POLR2I: variants seen among roughly 807,000 people sequenced by gnomAD.
POLR2I encodes RNA polymerase II subunit I.
POLR2I carries 15 observed loss-of-function variants against 23.0 expected under a neutral mutation model. The observed-to-expected ratio is 0.65, with a 90% CI of 0.44 to 1.00. The LOEUF (loss-of-function observed/expected upper bound fraction) is 1.00, where lower values mean the gene tolerates loss of function less well. POLR2I is among the 50% of genes least tolerant of loss of function. The pLI is 0.00. For missense variants in POLR2I, 120 were observed against 173.7 expected (o/e 0.69, Z 1.74); for synonymous variants, 72 against 65.4 (o/e 1.10, Z -0.49).
rs1973896438 is a variant in POLR2I, at chr19:36,114,122, G to A, written c.263+55C>T. 6 of 1,613,024 alleles carry A rather than the reference G, an allele frequency of 3.7e-6. No individual in the cohort carries two copies. In the Admixed American group the frequency reaches 6.7e-5, roughly 18 times the overall value. ...CTTCACACCCTTCCCTCCTCCCTTC[G>A]CCCAGTGAGGAGACGAGCCTCACTT... On this transcript the variant is annotated intron_variant, in intron 4 of 5. Transcript: ENST00000221859. This position sits in a 1 kb window ranked among gnomAD's most constrained non-coding sequence, Gnocchi z 4.5.
Position 36,114,004 on chromosome 19 carries a change from G to A in POLR2I, c.315+11C>T. 1 of 1,613,158 alleles carries A rather than the reference G, an allele frequency of 6.2e-7. No homozygotes were observed. Among genetic ancestry groups the A allele is most frequent in the Non-Finnish European group, 8.5e-7 (1 of 1,179,526 alleles). ...AGCCCCAGATACTTAGAAAGCCCTC[G>A]CGCCACTTACCTCGGCCCGCGCACT... is the stretch of plus-strand genomic sequence containing the variant. On this transcript the variant is annotated intron_variant, in intron 5 of 5. Coordinates refer to ENST00000221859, the MANE Select transcript of POLR2I (RefSeq NM_006233.5). This position sits in a 1 kb window ranked among gnomAD's most constrained non-coding sequence, Gnocchi z 4.5.
In POLR2I at chr19:36,114,480, G is replaced by A; in HGVS notation, c.115-68C>T. ...TTCCAGACAAGATTGGGAGGAGAGGGCAGGGTGATCCCGGAGGATATGACG... is the reference window on the plus strand; with the variant it reads ...TTCCAGACAAGATTGGGAGGAGAGGACAGGGTGATCCCGGAGGATATGACG... On this transcript the variant is annotated intron_variant, in intron 2 of 5. Coordinates refer to ENST00000221859, the MANE Select transcript of POLR2I (RefSeq NM_006233.5). This position sits in a 1 kb window ranked among gnomAD's most constrained non-coding sequence, Gnocchi z 4.5. 1 of 1,468,216 alleles carries A rather than the reference G, an allele frequency of 6.8e-7. No individual in the cohort carries two copies. Among genetic ancestry groups the A allele is most frequent in the South Asian group, 1.1e-5 (1 of 88,150 alleles). The allele number at this position is 1,468,216 out of a possible 1,614,324, so 90.9% of individuals were successfully genotyped here.
rs766955849 is a variant in POLR2I at position 36,114,829 on chromosome 19, CCGGCT to C, written c.23_27del (p.Glu8GlyfsTer12). On this transcript the variant is annotated frameshift_variant, in exon 1 of 6. Coordinates refer to ENST00000221859, the MANE Select transcript of POLR2I (RefSeq NM_006233.5). LOFTEE classifies it high-confidence loss of function. The surrounding 1 kb of genome is among the most constrained non-coding windows in gnomAD (Gnocchi z 4.5). ...TGGCAGAAGCGAATACCCACGAAGC[CCGGCT>C]CGTAAGTCCCGTCGGGCTCCATGGC... 4.3e-6 allele frequency: 7 copies of C among 1,614,114 alleles called. No homozygotes were observed. The highest frequency in any genetic ancestry group is 5.9e-6 in the Non-Finnish European group (7 of 1,180,016).
Position 36,113,748 on chromosome 19 carries a change from G to A in POLR2I, c.*7C>T, listed in dbSNP as rs776704408. On this transcript the variant is annotated 3_prime_UTR_variant, in exon 6 of 6. Transcript: ENST00000221859. The stretch of plus-strand genomic sequence containing the variant: ...TGGTGTTTATTACACTCGGGGGAGA[G>A]AGGAGGTCACTCGGTCCAGCGGTGG... 4 of 1,613,468 alleles carry A rather than the reference G, an allele frequency of 2.5e-6. No individual in the cohort carries two copies. The highest frequency in any genetic ancestry group is 2.5e-6 in the Non-Finnish European group (3 of 1,179,786).
chr19:36,114,723 G>A lies in POLR2I; in HGVS notation c.60-10C>T. Reference sequence around the variant, plus strand: ...GTACAGCATGTTGTTACTGTGGGGAGGGGGAGGTGCCAGGGGTTAGTTCTG... The same window carrying A: ...GTACAGCATGTTGTTACTGTGGGGAAGGGGAGGTGCCAGGGGTTAGTTCTG... On this transcript the variant is annotated splice_polypyrimidine_tract_variant and intron_variant, in intron 1 of 5. Coordinates refer to ENST00000221859, the MANE Select transcript of POLR2I (RefSeq NM_006233.5). The surrounding 1 kb of genome is among the most constrained non-coding windows in gnomAD (Gnocchi z 4.5). The A allele has an allele frequency of 6.2e-7, 1 of 1,612,918 alleles. No individual in the cohort carries two copies. Among genetic ancestry groups the A allele is most frequent in the African/African-American group, 1.3e-5 (1 of 75,034 alleles).
chr19:36,114,290 A>T lies in POLR2I; in HGVS notation c.189-39T>A. ...GGGGTGCAAAATTACGCTCAGACCC[A>T]GCCTCCAGAGCCAACACCCCCGCCC... On this transcript the variant is annotated intron_variant, in intron 3 of 5. Coordinates refer to ENST00000221859, the MANE Select transcript of POLR2I (RefSeq NM_006233.5). This position sits in a 1 kb window ranked among gnomAD's most constrained non-coding sequence, Gnocchi z 4.5. 1 of 1,612,896 alleles carries T rather than the reference A, an allele frequency of 6.2e-7. No homozygotes were observed. The highest frequency in any genetic ancestry group is 2.2e-5 in the East Asian group (1 of 44,800).
In POLR2I at chr19:36,114,569, G is replaced by A; in HGVS notation, c.114+90C>T. The A allele has an allele frequency of 2.2e-6, 3 of 1,370,574 alleles. No homozygotes were observed. Among genetic ancestry groups the A allele is most frequent in the South Asian group, 1.2e-5 (1 of 83,446 alleles). The allele number at this position is 1,370,574 out of a possible 1,614,324, so 84.9% of individuals were successfully genotyped here. On this transcript the variant is annotated intron_variant, in intron 2 of 5. Coordinates refer to ENST00000221859, the MANE Select transcript of POLR2I (RefSeq NM_006233.5). This position sits in a 1 kb window ranked among gnomAD's most constrained non-coding sequence, Gnocchi z 4.5. ...AGGATCACTTGAGGTGCAGCGGAGG[G>A]CGAACAGGGAGTCCGATCACAGAGG...
chr19:36,114,403 A>C lies in POLR2I; in HGVS notation c.124T>G (p.Cys42Gly). The change falls in exon 3 of 6, where the codon TGT becomes GGT. Residue 42 changes from cysteine to glycine, a missense_variant. Transcript: ENST00000221859. The surrounding 1 kb of genome is among the most constrained non-coding windows in gnomAD (Gnocchi z 4.5). ...TTGTCGGCCTCCTGCTGGTAATCAC[A>C]GTTCCGGCACTACGAGAGGGCGAGT... ...NRILLYACRN[C>G]DYQQEADNSC... The C allele has an allele frequency of 6.2e-7, 1 of 1,613,962 alleles. No individual in the cohort carries two copies. Among genetic ancestry groups the C allele is most frequent in the Non-Finnish European group, 8.5e-7 (1 of 1,179,968 alleles).
rs773511912 is a variant in POLR2I, at chr19:36,114,319, G to A, written c.188+20C>T. 6.2e-6 allele frequency: 10 copies of A among 1,613,606 alleles called. No individual in the cohort carries two copies. In the South Asian group the frequency reaches 9.9e-5, roughly 16 times the overall value. On this transcript the variant is annotated intron_variant, in intron 3 of 5. Coordinates refer to ENST00000221859, the MANE Select transcript of POLR2I (RefSeq NM_006233.5). The surrounding 1 kb of genome is among the most constrained non-coding windows in gnomAD (Gnocchi z 4.5). ...TCCAGAGCCAACACCCCCGCCCCCA[G>A]CTCAGGGCCCGCCACTCACTCCACT... is the stretch of plus-strand genomic sequence containing the variant.
chr19:36,114,471 G>A lies in POLR2I; in HGVS notation c.115-59C>T. ...ACGGAAGGATTCCAGACAAGATTGG[G>A]AGGAGAGGGCAGGGTGATCCCGGAG... On this transcript the variant is annotated intron_variant, in intron 2 of 5. Transcript: ENST00000221859. This position sits in a 1 kb window ranked among gnomAD's most constrained non-coding sequence, Gnocchi z 4.5. 6.6e-7 allele frequency: 1 copy of A among 1,519,342 alleles called. No homozygotes were observed. The highest frequency in any genetic ancestry group is 1.1e-5 in the South Asian group (1 of 89,148). 94.1% of individuals were successfully genotyped at this position (1,519,342 alleles called of 1,614,324 possible).
At position 36,114,860 on chromosome 19, in the gene POLR2I, G is replaced by T. The variant is rs370131754; in HGVS notation, c.-4C>A. 10 of 1,613,112 alleles carry T rather than the reference G, an allele frequency of 6.2e-6. No individual in the cohort carries two copies. The highest frequency in any genetic ancestry group is 8.5e-6 in the Non-Finnish European group (10 of 1,179,936). On this transcript the variant is annotated 5_prime_UTR_variant, in exon 1 of 6. Coordinates refer to ENST00000221859, the MANE Select transcript of POLR2I (RefSeq NM_006233.5). The surrounding 1 kb of genome is among the most constrained non-coding windows in gnomAD (Gnocchi z 4.5). Reference sequence around the variant, plus strand: ...CGTAAGTCCCGTCGGGCTCCATGGCGACGCGCAGCCCGCGCAGCCCTCCCA... The same window carrying T: ...CGTAAGTCCCGTCGGGCTCCATGGCTACGCGCAGCCCGCGCAGCCCTCCCA...
chr19:36,113,743 G>A lies in POLR2I; in HGVS notation c.*12C>T, dbSNP rs1207762222. The A allele has an allele frequency of 5.6e-6, 9 of 1,613,048 alleles. No individual in the cohort carries two copies. Among genetic ancestry groups the A allele is most frequent in the African/African-American group, 4.0e-5 (3 of 74,932 alleles). On this transcript the variant is annotated 3_prime_UTR_variant, in exon 6 of 6. Coordinates refer to ENST00000221859, the MANE Select transcript of POLR2I (RefSeq NM_006233.5). ...GAATCTGGTGTTTATTACACTCGGGGGAGAGAGGAGGTCACTCGGTCCAGC... is the reference window on the plus strand; with the variant it reads ...GAATCTGGTGTTTATTACACTCGGGAGAGAGAGGAGGTCACTCGGTCCAGC...
chr19:36,113,768 C>T lies in POLR2I; in HGVS notation c.365G>A (p.Arg122His). Reference sequence around the variant, plus strand: ...GGAGAGAGGAGGTCACTCGGTCCAGCGGTGGCCGCAGTGTGGGGCTGTGCA... The same window carrying T: ...GGAGAGAGGAGGTCACTCGGTCCAGTGGTGGCCGCAGTGTGGGGCTGTGCA... The part of the protein sequence containing the change: ...YVCTAPHCGH[R>H]WTE Residue 122 changes from arginine to histidine, a missense_variant, in exon 6 of 6, where the codon CGC becomes CAC. Coordinates refer to ENST00000221859, the MANE Select transcript of POLR2I (RefSeq NM_006233.5). The T allele has an allele frequency of 6.2e-7, 1 of 1,613,464 alleles. No individual in the cohort carries two copies. Among genetic ancestry groups the T allele is most frequent in the Non-Finnish European group, 8.5e-7 (1 of 1,179,856 alleles).
rs1973911847 is a variant in POLR2I, at chr19:36,114,747, T to C, written c.60-34A>G. The C allele has an allele frequency of 1.9e-6, 3 of 1,613,816 alleles. No homozygotes were observed. The highest frequency in any genetic ancestry group is 2.5e-6 in the Non-Finnish European group (3 of 1,179,708). On this transcript the variant is annotated intron_variant, in intron 1 of 5. Transcript: ENST00000221859. This position sits in a 1 kb window ranked among gnomAD's most constrained non-coding sequence, Gnocchi z 4.5. ...AGGGGGAGGTGCCAGGGGTTAGTTC[T>C]GGAGCCATTCCTCGCCCGCCTTCTA...
rs1486353920 is a variant in POLR2I, at chr19:36,114,808, A to G, written c.49T>C (p.Cys17Arg). 19 of 1,614,058 alleles carry G rather than the reference A, an allele frequency of 1.2e-5. No individual in the cohort carries two copies. The highest frequency in any genetic ancestry group is 2.2e-5 in the East Asian group (1 of 44,896). Residue 17 changes from cysteine to arginine, a missense_variant, in exon 1 of 6, where the codon TGC (cysteine) becomes CGC (arginine). Coordinates refer to ENST00000221859, the MANE Select transcript of POLR2I (RefSeq NM_006233.5). This position sits in a 1 kb window ranked among gnomAD's most constrained non-coding sequence, Gnocchi z 4.5. ...CTCCCTCCGCCTCACCATTCCTGGC[A>G]GAAGCGAATACCCACGAAGCCCGGC... ...YEPGFVGIRFCQECNNMLYPK... is the reference protein window; with the variant it reads ...YEPGFVGIRFRQECNNMLYPK...
At position 36,114,537 on chromosome 19, in the gene POLR2I, G is replaced by A; in HGVS notation, c.114+122C>T. The A allele has an allele frequency of 7.7e-7, 1 of 1,300,156 alleles. No homozygotes were observed. The highest frequency in any genetic ancestry group is 1.1e-6 in the Non-Finnish European group (1 of 905,430). 80.5% of individuals were successfully genotyped at this position (1,300,156 alleles called of 1,614,324 possible). A position where few individuals can be genotyped will look rare whatever the true frequency, so the allele number is the denominator to read the frequency against. ...CTCTCTTTGGGGATGGGCAGGACAT[G>A]AGAGTCAGGATCACTTGAGGTGCAG... On this transcript the variant is annotated intron_variant, in intron 2 of 5. Transcript: ENST00000221859. This position sits in a 1 kb window ranked among gnomAD's most constrained non-coding sequence, Gnocchi z 4.5.
Position 36,114,826 on chromosome 19 carries a change from A to AGCCC in POLR2I, c.27_30dup (p.Phe11GlyfsTer12). The stretch of plus-strand genomic sequence containing the variant: ...TCCTGGCAGAAGCGAATACCCACGA[A>AGCCC]GCCCGGCTCGTAAGTCCCGTCGGGC... On this transcript the variant is annotated frameshift_variant, in exon 1 of 6. Transcript: ENST00000221859. LOFTEE classifies it high-confidence loss of function. This position sits in a 1 kb window ranked among gnomAD's most constrained non-coding sequence, Gnocchi z 4.5. 6.2e-7 allele frequency: 1 copy of AGCCC among 1,614,096 alleles called. No homozygotes were observed. Among genetic ancestry groups the AGCCC allele is most frequent in the Non-Finnish European group, 8.5e-7 (1 of 1,180,016 alleles).
At position 36,114,136 on chromosome 19, in the gene POLR2I, C is replaced by T. The variant is rs750912229; in HGVS notation, c.263+41G>A. ...CTCCTCCCTTCGCCCAGTGAGGAGA[C>T]GAGCCTCACTTTACCTCCCCAGTAC... On this transcript the variant is annotated intron_variant, in intron 4 of 5. Transcript: ENST00000221859. The surrounding 1 kb of genome is among the most constrained non-coding windows in gnomAD (Gnocchi z 4.5). 1.9e-6 allele frequency: 3 copies of T among 1,612,252 alleles called. No individual in the cohort carries two copies. In the Admixed American group the frequency reaches 5.0e-5, roughly 27 times the overall value.
Position 36,114,661 on chromosome 19 carries a change from C to A in POLR2I, c.112G>T (p.Ala38Ser). Reference sequence around the variant, plus strand: ...CCGGGGAAGACCCCGGCGCTCACCGCGTAGAGCAGAATGCGGTTCTCCTTG... The same window carrying A: ...CCGGGGAAGACCCCGGCGCTCACCGAGTAGAGCAGAATGCGGTTCTCCTTG... ...EDKENRILLY[A>S]CRNCDYQQEA... Residue 38 changes from alanine to serine, a missense_variant and splice_region_variant, in exon 2 of 6, where the codon GCG (alanine) becomes TCG (serine). By Grantham distance (99) the Ala-to-Ser change is moderately conservative. Coordinates refer to ENST00000221859, the MANE Select transcript of POLR2I (RefSeq NM_006233.5). The surrounding 1 kb of genome is among the most constrained non-coding windows in gnomAD (Gnocchi z 4.5). 1 of 1,608,320 alleles carries A rather than the reference C, an allele frequency of 6.2e-7. No homozygotes were observed. The highest frequency in any genetic ancestry group is 8.5e-7 in the Non-Finnish European group (1 of 1,175,470).
Sources: allele counts gnomAD v4.1 joint callset, GRCh38; gene constraint gnomAD v4.1.1; non-coding constraint Gnocchi (gnomAD v3.1); transcripts MANE v1.5; gene names NCBI Gene and HGNC (gene_info 2026-07-23, HGNC 2026-07-21).